Variants in LRMDA observed in about 807,000 individuals in gnomAD.
LRMDA encodes the protein leucine-rich melanocyte differentiation-associated protein.
In LRMDA, 18 loss-of-function variants were observed where a neutral mutation model predicts 29.8. The ratio of observed to expected loss-of-function variants is 0.60; its 90% CI spans 0.42 to 0.90. The LOEUF (loss-of-function observed/expected upper bound fraction) is 0.90. Ranked by LOEUF, LRMDA falls within the 40% of genes least tolerant of loss-of-function variation. The probability of loss-of-function intolerance (pLI) is 0.00; values close to 1 mark genes in which losing one functional copy is unlikely to be tolerated. For synonymous variants in LRMDA, 125 were observed against 109.4 expected (o/e 1.14, Z -0.89); for missense variants, 273 against 273.9 (o/e 1.00, Z 0.02).
chr10:76,142,851 C>T (rs1239700942), intron 5 of LRMDA, among the ~76,000 whole-genome samples: 2 of 151,500 alleles, frequency 1.3e-5, no homozygotes, highest in Admixed American at 6.6e-5. Flanking sequence ...CTCCCCCTAC[C>T]CAACAACAGT....
intron 6 of LRMDA, among the ~76,000 whole-genome samples, chr10:76,399,245 G>T (rs1450393955): frequency 1.3e-5 from 2 of 152,134 alleles, no homozygotes; most frequent in Non-Finnish European, 2.9e-5. Flanking sequence ...TTGTGTTTTT[G>T]AGGGGCCTTT....
intron 2 of LRMDA, among the ~76,000 whole-genome samples, chr10:75,969,341 G>A (rs1176419236): frequency 6.6e-6 from 1 of 152,166 alleles, no homozygotes; most frequent in African/African-American, 2.4e-5. Context: ...CCAATAATGA[G>A]AATCCCTTTG....
chr10:75,763,834 T>A (rs917580813), intron 2 of LRMDA, among the ~76,000 whole-genome samples: 14 of 152,076 alleles, frequency 9.2e-5, no homozygotes, highest in Non-Finnish European at 8.8e-5. Flanking sequence ...GTGTCCACCA[T>A]GCTTAGCGGA....
chr10:76,146,123 T>G (rs1046829728), intron 5 of LRMDA, among the ~76,000 whole-genome samples: 2 of 152,034 alleles, frequency 1.3e-5, no homozygotes, highest in African/African-American at 4.8e-5. Flanking sequence ...ATGTGGTCAA[T>G]TTTGGAGTAG....
chr10:76,308,925 G>A (rs993460423), intron 5 of LRMDA, among the ~76,000 whole-genome samples: 47 of 152,090 alleles, frequency 3.1e-4, no homozygotes, highest in Non-Finnish European at 4.9e-4. Context: ...ATTGCCTTGT[G>A]ATTATGTTTG....
chr10:76,095,119 T>C (rs1849293494), intron 5 of LRMDA, among the ~76,000 whole-genome samples: 1 of 152,216 alleles, frequency 6.6e-6, no homozygotes, highest in South Asian at 2.1e-4. Flanking sequence ...AATTACCTCC[T>C]GTACCTTAGT....
intron 2 of LRMDA, among the ~76,000 whole-genome samples, chr10:75,717,458 G>A (rs1364107391): frequency 1.3e-5 from 2 of 152,206 alleles, no homozygotes; most frequent in East Asian, 1.9e-4. Flanking sequence ...TTAATGGCAC[G>A]GCCCTTATTG....
At chr10:76,110,881 A>G (rs1298041606) in intron 5 of LRMDA, among the ~76,000 whole-genome samples, 1 of 152,116 alleles carries the variant, frequency 6.6e-6, no homozygotes, top group Non-Finnish European at 1.5e-5. Flanking sequence ...ATTCACTACC[A>G]TAGCCTGCAC....
At chr10:76,205,211 G>A (rs918878849) in intron 5 of LRMDA, among the ~76,000 whole-genome samples, 12 of 152,166 alleles carry the variant, frequency 7.9e-5, no homozygotes, top group Admixed American at 7.9e-4. Flanking sequence ...TAGGACAGAG[G>A]TTGTTGGACC....
chr10:76,138,468 C>G (rs538322732), intron 5 of LRMDA, among the ~76,000 whole-genome samples: 6 of 152,162 alleles, frequency 3.9e-5, no homozygotes, highest in Admixed American at 6.5e-5. Context: ...TTGCCTCCCC[C>G]AGGTCAGGCA....
At chr10:76,234,537 A>T (rs192296818) in intron 5 of LRMDA, among the ~76,000 whole-genome samples, 1 of 152,186 alleles carries the variant, frequency 6.6e-6, no homozygotes, top group Non-Finnish European at 1.5e-5. Context: ...CTCTAGCTAT[A>T]AAAGCCCCAA....
At chr10:76,179,334 A>C (rs1851000050) in intron 5 of LRMDA, among the ~76,000 whole-genome samples, 1 of 152,060 alleles carries the variant, frequency 6.6e-6, no homozygotes, top group Admixed American at 6.5e-5. Flanking sequence ...CTTTTTTTCA[A>C]GCATGTAGCT....
chr10:75,679,917 A>C (rs950731439), intron 2 of LRMDA, among the ~76,000 whole-genome samples: 5 of 152,238 alleles, frequency 3.3e-5, no homozygotes, highest in African/African-American at 4.8e-5. Context: ...TAAAAAAAAA[A>C]CCCTTAAATT....
intron 6 of LRMDA, among the ~76,000 whole-genome samples, chr10:76,496,797 CA>C (rs1273319214): frequency 1.3e-5 from 1 of 74,256 alleles, no homozygotes; most frequent in African/African-American, 3.3e-5. Flanking sequence ...TTTGTCATGC[CA>C]AAGAGAATCT....
chr10:75,658,428 A>G (rs1328185901), intron 2 of LRMDA, among the ~76,000 whole-genome samples: 2 of 152,144 alleles, frequency 1.3e-5, no homozygotes, highest in Non-Finnish European at 2.9e-5. Flanking sequence ...AGGGTAAATT[A>G]ATTCCTAACC....
intron 2 of LRMDA, among the ~76,000 whole-genome samples, chr10:75,981,677 C>T (rs1847172774): frequency 6.6e-6 from 1 of 151,970 alleles, no homozygotes; most frequent in Non-Finnish European, 1.5e-5. Flanking sequence ...CTTGGTGAAA[C>T]CCCAGCTCTA....
chr10:76,511,132 T>G (rs1843005799), intron 6 of LRMDA, among the ~76,000 whole-genome samples: 1 of 152,208 alleles, frequency 6.6e-6, no homozygotes, highest in Non-Finnish European at 1.5e-5. Context: ...TCAAGACTAA[T>G]GATGCCACAC....
intron 2 of LRMDA, among the ~76,000 whole-genome samples, chr10:75,657,463 G>C (rs985309490): frequency 1.3e-5 from 2 of 152,194 alleles, no homozygotes; most frequent in Non-Finnish European, 2.9e-5. Flanking sequence ...AGGTACTAGA[G>C]AGCCACAGCA....
intron 5 of LRMDA, among the ~76,000 whole-genome samples, chr10:76,081,895 T>G (rs1849055428): frequency 6.6e-6 from 1 of 152,212 alleles, no homozygotes; most frequent in Non-Finnish European, 1.5e-5. Flanking sequence ...TTGTATAGAT[T>G]TCTGCTTTGA....
Sources: allele counts gnomAD v4.1 joint callset (sites outside exome capture counted in the v4.1 genomes callset), GRCh38; gene constraint gnomAD v4.1.1; transcripts MANE v1.5; gene names NCBI Gene and HGNC (gene_info 2026-07-23, HGNC 2026-07-21).